The following ATP8A1 variants were observed in gnomAD, a reference collection of about 807,000 sequenced individuals.
The protein encoded by ATP8A1 is ATPase phospholipid transporting 8A1.
Under a neutral mutation model 177.7 loss-of-function variants are expected in ATP8A1, and 90 were observed. The ratio of observed to expected loss-of-function variants is 0.51; its 90% confidence interval spans 0.43 to 0.60. The LOEUF is 0.60. Ranked by LOEUF, ATP8A1 falls within the 20% of genes least tolerant of loss-of-function variation. The probability of loss-of-function intolerance (pLI) is 0.00; values close to 1 mark genes in which losing one functional copy is unlikely to be tolerated. For missense variants in ATP8A1, 1,072 were observed against 1,392.8 expected (o/e 0.77, Z 3.67); for synonymous variants, 493 against 485.9 (o/e 1.01, Z -0.19).
intron 2 of ATP8A1, 136 bp downstream of exon 2, chr4:42,626,859 A>C: frequency 1.5e-6 from 1 of 679,750 alleles, no homozygotes; most frequent in Non-Finnish European, 2.7e-6. Context: ...ATGGGGAAAC[A>C]GCCTATTCAC....
chr4:42,522,399 G>T, intron 21 of ATP8A1, 100 bp from the exon 22 acceptor site: 1 of 1,360,002 alleles, frequency 7.4e-7, no homozygotes, highest in Non-Finnish European at 1.0e-6. Context: ...TGAAAAAAGT[G>T]ATTCCATACA....
intron 1 of ATP8A1, among the ~76,000 whole-genome samples, chr4:42,655,135 C>G (rs967438611): frequency 6.6e-6 from 1 of 152,236 alleles, no homozygotes; most frequent in South Asian, 2.1e-4. Context: ...AAGCAGCAGT[C>G]CTTGTTTTCC....
intron 15 of ATP8A1, among the ~76,000 whole-genome samples, chr4:42,560,287 G>C (rs575567842): frequency 6.6e-6 from 1 of 152,130 alleles, no homozygotes; most frequent in African/African-American, 2.4e-5. Context: ...TCTTTGGCAG[G>C]GGAAATGGAG....
intron 15 of ATP8A1, among the ~76,000 whole-genome samples, chr4:42,558,025 A>G (rs973480220): frequency 1.3e-5 from 2 of 150,330 alleles, no homozygotes; most frequent in Admixed American, 6.6e-5. Context: ...GAGCAAGACT[A>G]CATCTCAAAA....
At chr4:42,450,554 T>G (rs1184716580) in intron 30 of ATP8A1, among the ~76,000 whole-genome samples, 1 of 152,226 alleles carries the variant, frequency 6.6e-6, no homozygotes, top group Non-Finnish European at 1.5e-5. Flanking sequence ...AGGGTCAATA[T>G]TCTACACTTT....
chr4:42,580,614 T>G (rs1577635532), intron 10 of ATP8A1, among the ~76,000 whole-genome samples: 1 of 152,152 alleles, frequency 6.6e-6, no homozygotes, highest in Admixed American at 6.5e-5. Context: ...GAATATGAAA[T>G]GAAGATTTAT....
rs558544739 is a variant in ATP8A1, at chr4:42,460,092, GTATTAGGT to G, written c.2620-4501_2620-4494del. 2.6e-5 allele frequency among the ~76,000 whole-genome samples: 4 copies of G among 152,248 alleles called. No individual in the cohort carries two copies. In the South Asian group the frequency reaches 8.3e-4, roughly 32 times the overall value. On this transcript the variant is annotated intron_variant, in intron 27 of 36. Coordinates refer to ENST00000381668, the MANE Select transcript of ATP8A1 (RefSeq NM_006095.2). ...AGGCGTGAGCCACTGCGCCTGGCCT[GTATTAGGT>G]TATTTTATCTAATAGGTTGTAACCT... is the stretch of plus-strand genomic sequence containing the variant.
chr4:42,466,087 G>A (rs1719735506), intron 25 of ATP8A1, among the ~76,000 whole-genome samples: 2 of 149,898 alleles, frequency 1.3e-5, no homozygotes, highest in African/African-American at 4.9e-5. Flanking sequence ...AGGACAGAAG[G>A]GTTCAAAGAC....
At chr4:42,524,725 T>C in intron 21 of ATP8A1, 38 bp downstream of exon 21, 1 of 1,337,536 alleles carries the variant, frequency 7.5e-7, no homozygotes, top group East Asian at 2.3e-5. Flanking sequence ...ATGATTTCTT[T>C]GTATTTTAAT....
intron 33 of ATP8A1, 109 bp from the exon 34 acceptor site, chr4:42,423,814 A>G: frequency 1.4e-6 from 1 of 693,284 alleles, no homozygotes; most frequent in Non-Finnish European, 2.5e-6. Context: ...TCATTCTGTA[A>G]GAGAGTATAC....
chr4:42,437,017 T>C (rs1294686284), intron 33 of ATP8A1, among the ~76,000 whole-genome samples: 3 of 152,184 alleles, frequency 2.0e-5, no homozygotes, highest in African/African-American at 7.2e-5. Flanking sequence ...TTTACAAACC[T>C]CAATCAAGAG....
intron 20 of ATP8A1, among the ~76,000 whole-genome samples, chr4:42,537,163 A>AC (rs1727926967): frequency 6.6e-6 from 1 of 151,124 alleles, no homozygotes; most frequent in African/African-American, 2.4e-5. Flanking sequence ...AACCAAAAAA[A>AC]CCCCCACGTG....
intron 1 of ATP8A1, among the ~76,000 whole-genome samples, chr4:42,641,316 T>C (rs149995281): frequency 6.6e-6 from 1 of 152,326 alleles, no homozygotes; most frequent in East Asian, 1.9e-4. Context: ...TTACTGCTTT[T>C]ATTGCTTTCT....
chr4:42,549,290 G>GAGA (rs1729247579), intron 18 of ATP8A1, among the ~76,000 whole-genome samples: 1 of 152,150 alleles, frequency 6.6e-6, no homozygotes, highest in African/African-American at 2.4e-5. Flanking sequence ...TCACCGAAGA[G>GAGA]TTCTTAGAAT....
intron 1 of ATP8A1, among the ~76,000 whole-genome samples, chr4:42,642,145 G>C (rs1560554043): frequency 6.6e-6 from 1 of 152,176 alleles, no homozygotes. Flanking sequence ...TACAGAAACA[G>C]ACATTACCCA....
chr4:42,559,488 T>A (rs950298500), intron 15 of ATP8A1, among the ~76,000 whole-genome samples: 2 of 152,210 alleles, frequency 1.3e-5, no homozygotes, highest in African/African-American at 4.8e-5. Flanking sequence ...TGTGCTGTTG[T>A]AATTGTAGGA....
chr4:42,637,062 C>T (rs1252799847), intron 1 of ATP8A1: 6 of 504,224 alleles, frequency 1.2e-5, no homozygotes, highest in Non-Finnish European at 2.0e-5. Flanking sequence ...TGTCCCAACA[C>T]CCATCTAATG....
At chr4:42,613,632 G>A (rs967333549) in intron 5 of ATP8A1, among the ~76,000 whole-genome samples, 2 of 151,938 alleles carry the variant, frequency 1.3e-5, no homozygotes, top group East Asian at 1.9e-4. Context: ...CACCCAGGCT[G>A]GAGTGCAGTG....
intron 13 of ATP8A1, 28 bp downstream of exon 13, chr4:42,575,593 AC>A (rs745363534): frequency 6.3e-7 from 1 of 1,594,944 alleles, no homozygotes; most frequent in Non-Finnish European, 8.6e-7. Context: ...TTTTAATTCC[AC>A]ACATAATCAA....
Sources: allele counts gnomAD v4.1 joint callset (sites outside exome capture counted in the v4.1 genomes callset), GRCh38; gene constraint gnomAD v4.1.1; transcripts MANE v1.5; gene names NCBI Gene and HGNC (gene_info 2026-07-23, HGNC 2026-07-21).